Variants in CHN2 observed in about 807,000 individuals in gnomAD.
The protein encoded by CHN2 is chimerin 2.
A neutral mutation model predicts 56.3 loss-of-function variants in CHN2; 35 were observed. The observed-to-expected ratio is 0.62, with a 90% confidence interval of 0.47 to 0.82. CHN2 has a LOEUF of 0.82. Ranked by LOEUF, CHN2 falls within the 40% of genes least tolerant of loss-of-function variation. The pLI, the probability that CHN2 is intolerant of heterozygous loss-of-function variation, is 0.00. For synonymous variants in CHN2, 210 were observed against 212.8 expected (o/e 0.99, Z 0.12); for missense variants, 491 against 580.5 (o/e 0.85, Z 1.58).
intron 6 of CHN2, among the ~76,000 whole-genome samples, chr7:29,444,693 C>G (rs980816200): frequency 2.6e-5 from 4 of 152,218 alleles, no homozygotes; most frequent in African/African-American, 9.6e-5. Context: ...GGTCCAGATT[C>G]AAAGACAAAG....
At chr7:29,448,235 C>G (rs780916056) in intron 6 of CHN2, among the ~76,000 whole-genome samples, 1 of 151,578 alleles carries the variant, frequency 6.6e-6, no homozygotes, top group Non-Finnish European at 1.5e-5. Flanking sequence ...TTTGATACCT[C>G]TTTCCTTATT....
intron 2 of CHN2, chr7:29,185,731 C>A (rs1008207945): frequency 6.6e-6 from 1 of 152,054 alleles, no homozygotes; most frequent in African/African-American, 2.4e-5. Context: ...TCATATATAC[C>A]CCGAGTTGCA....
intron 1 of CHN2, among the ~76,000 whole-genome samples, chr7:29,283,397 A>G (rs1192378834): frequency 1.3e-5 from 2 of 152,184 alleles, no homozygotes; most frequent in Non-Finnish European, 2.9e-5. Context: ...CTCGGTTGGT[A>G]TACACGATCT....
intron 6 of CHN2, among the ~76,000 whole-genome samples, chr7:29,449,552 C>T (rs913766114): frequency 1.2e-4 from 18 of 152,232 alleles, no homozygotes; most frequent in African/African-American, 4.3e-4. Context: ...ATATGGGCTA[C>T]AAATCGTAAA....
intron 1 of CHN2, among the ~76,000 whole-genome samples, chr7:29,284,885 A>C (rs151051331): frequency 6.6e-6 from 1 of 152,238 alleles, no homozygotes; most frequent in Non-Finnish European, 1.5e-5. Flanking sequence ...GCTCACATGC[A>C]TCCTCCCTTC....
intron 1 of CHN2, among the ~76,000 whole-genome samples, chr7:29,237,152 A>T (rs1408811864): frequency 2.0e-5 from 3 of 152,228 alleles, no homozygotes; most frequent in Admixed American, 6.5e-5. Flanking sequence ...GGAGCTACAC[A>T]AACCTTTATA....
intron 2 of CHN2, among the ~76,000 whole-genome samples, chr7:29,155,460 G>T (rs1794229772): frequency 6.6e-6 from 1 of 152,122 alleles, no homozygotes; most frequent in African/African-American, 2.4e-5. Flanking sequence ...AACCCGAAAA[G>T]GTAGATATTA....
intron 1 of CHN2, among the ~76,000 whole-genome samples, chr7:29,259,654 G>C (rs1374549787): frequency 6.6e-6 from 1 of 152,132 alleles, no homozygotes; most frequent in East Asian, 1.9e-4. Flanking sequence ...ATAGCATGGT[G>C]ACTATAATTA....
chr7:29,386,596 G>A (rs772698711), intron 3 of CHN2, among the ~76,000 whole-genome samples: 1 of 152,120 alleles, frequency 6.6e-6, no homozygotes, highest in Non-Finnish European at 1.5e-5. Flanking sequence ...ATGATAATCT[G>A]ACTATAAAGC....
intron 1 of CHN2, among the ~76,000 whole-genome samples, chr7:29,281,794 A>T (rs1393798856): frequency 6.6e-6 from 1 of 152,166 alleles, no homozygotes; most frequent in Non-Finnish European, 1.5e-5. Flanking sequence ...AGAGATATTT[A>T]TCAGGGGTTG....
intron 6 of CHN2, among the ~76,000 whole-genome samples, chr7:29,434,444 C>G (rs978201243): frequency 6.6e-6 from 1 of 151,610 alleles, no homozygotes; most frequent in African/African-American, 2.4e-5. Context: ...CTGGGCCATG[C>G]TCTCTCTGAA....
chr7:29,237,224 T>C (rs140873338), intron 1 of CHN2, among the ~76,000 whole-genome samples: 1 of 152,318 alleles, frequency 6.6e-6, no homozygotes, highest in Non-Finnish European at 1.5e-5. Flanking sequence ...TATTTCAATG[T>C]GATTAGAATT....
intron 1 of CHN2, among the ~76,000 whole-genome samples, chr7:29,216,688 G>C (rs1785371504): frequency 6.6e-6 from 1 of 152,156 alleles, no homozygotes; most frequent in South Asian, 2.1e-4. Flanking sequence ...CGCTGATCTA[G>C]CCTGGAAATC....
intron 6 of CHN2, among the ~76,000 whole-genome samples, chr7:29,464,453 C>T (rs555886134): frequency 1.3e-5 from 2 of 152,290 alleles, no homozygotes; most frequent in East Asian, 3.9e-4. Context: ...AGTGGGTCTG[C>T]GTAAAGGTTG....
intron 6 of CHN2, among the ~76,000 whole-genome samples, chr7:29,433,935 A>G (rs530991539): frequency 6.6e-6 from 1 of 151,810 alleles, no homozygotes; most frequent in Non-Finnish European, 1.5e-5. Context: ...GAGAGGCAGG[A>G]AGGAAGGAAG....
In CHN2 at chr7:29,429,334, A is replaced by C. The variant is rs1045589499; in HGVS notation, c.576+28506A>C. ...AAGAGATATCAGTCTTTTTAGAATC[A>C]GGTGGTATTGCAGTAAGAGTGAAAT... On this transcript the variant is annotated intron_variant, in intron 6 of 12. Coordinates refer to ENST00000222792, the MANE Select transcript of CHN2 (RefSeq NM_004067.4). Among the ~76,000 whole-genome samples, 3 of 152,230 alleles carry C rather than the reference A, an allele frequency of 2.0e-5. No individual in the cohort carries two copies. In the East Asian group the frequency reaches 5.8e-4, roughly 29 times the overall value.
At chr7:29,362,053 G>A (rs749382104) in intron 2 of CHN2, among the ~76,000 whole-genome samples, 7 of 152,188 alleles carry the variant, frequency 4.6e-5, no homozygotes, top group Non-Finnish European at 1.0e-4. Flanking sequence ...GCTTTAAAAA[G>A]AACAGATCTG....
chr7:29,331,697 T>C (rs1005590888), intron 1 of CHN2, among the ~76,000 whole-genome samples: 32 of 152,254 alleles, frequency 2.1e-4, no homozygotes, highest in East Asian at 1.2e-3. Flanking sequence ...TGATTTTTCA[T>C]TGGATTGACT....
At chr7:29,260,852 A>G (rs1384765585) in intron 1 of CHN2, among the ~76,000 whole-genome samples, 1 of 152,190 alleles carries the variant, frequency 6.6e-6, no homozygotes, top group East Asian at 1.9e-4. Flanking sequence ...TGCCCTCATC[A>G]CGTTTCATCT....
Sources: gnomAD v4.1 joint callset for allele counts (sites outside exome capture counted in the v4.1 genomes callset) on GRCh38, gnomAD v4.1.1 for gene constraint, MANE v1.5 for transcripts, NCBI Gene and HGNC (gene_info 2026-07-23, HGNC 2026-07-21) for gene names.